The following KALRN variants were observed in gnomAD, a reference collection of about 807,000 sequenced individuals.
KALRN encodes the protein kalirin RhoGEF kinase.
In KALRN, 70 loss-of-function variants were observed where a neutral mutation model predicts 353.7. The observed-to-expected ratio is 0.20, with a 90% CI of 0.16 to 0.24. The LOEUF (loss-of-function observed/expected upper bound fraction) is 0.24, where lower values mean the gene tolerates loss of function less well. KALRN is among the 10% of genes least tolerant of loss of function. The probability of loss-of-function intolerance (pLI) is 1.00; values close to 1 mark genes in which losing one functional copy is unlikely to be tolerated. For missense variants in KALRN, 2,791 were observed against 3,756.7 expected (o/e 0.74, Z 6.72); for synonymous variants, 1,391 against 1,434.8 (o/e 0.97, Z 0.69).
intron 3 of KALRN, among the ~76,000 whole-genome samples, chr3:124,257,007 T>G (rs2072104263): frequency 6.6e-6 from 1 of 152,170 alleles, no homozygotes; most frequent in African/African-American, 2.4e-5. Context: ...AGACATTTAC[T>G]CCAATGGCAG....
intron 1 of KALRN, among the ~76,000 whole-genome samples, chr3:124,058,745 CT>C (rs1335635618): frequency 6.6e-6 from 1 of 152,190 alleles, no homozygotes; most frequent in Non-Finnish European, 1.5e-5. Context: ...TCTTTTCACC[CT>C]TCACTCATAG....
intron 5 of KALRN, among the ~76,000 whole-genome samples, chr3:124,293,026 A>G (rs1274991466): frequency 6.6e-6 from 1 of 152,206 alleles, no homozygotes; most frequent in African/African-American, 2.4e-5. Context: ...TCTAACACTC[A>G]TACAATTTTA....
chr3:124,367,488 G>C (rs796374152), intron 10 of KALRN, among the ~76,000 whole-genome samples: 15,678 of 67,680 alleles, frequency 0.23, 3,674 homozygotes, highest in Non-Finnish European at 0.32. Flanking sequence ...CCTCCCGGAC[G>C]GGGCAGCTGG....
chr3:124,492,596 T>A, intron 31 of KALRN, 144 bp from the exon 32 acceptor site: 1 of 805,452 alleles, frequency 1.2e-6, no homozygotes, highest in South Asian at 2.0e-5. Context: ...TATTGAAGAG[T>A]CATAAGTATG....
At chr3:124,192,528 T>G (rs1396175250) in intron 1 of KALRN, among the ~76,000 whole-genome samples, 1 of 152,112 alleles carries the variant, frequency 6.6e-6, no homozygotes, top group Non-Finnish European at 1.5e-5. Flanking sequence ...AGAATATAAT[T>G]GAATTATTTG....
intron 6 of KALRN, among the ~76,000 whole-genome samples, chr3:124,311,909 C>G (rs1276366509): frequency 1.3e-5 from 2 of 152,186 alleles, no homozygotes; most frequent in Non-Finnish European, 2.9e-5. Context: ...CCAAATACCA[C>G]TTATTATTTG....
intron 1 of KALRN, among the ~76,000 whole-genome samples, chr3:124,149,290 T>C (rs1174085803): frequency 6.6e-6 from 1 of 152,204 alleles, no homozygotes; most frequent in Admixed American, 6.5e-5. Flanking sequence ...GAGTCTACCA[T>C]TGCTGATGAC....
intron 33 of KALRN, among the ~76,000 whole-genome samples, chr3:124,512,475 C>A (rs964813924): frequency 6.6e-6 from 1 of 152,040 alleles, no homozygotes; most frequent in African/African-American, 2.4e-5. Flanking sequence ...CGTGGTGAAA[C>A]CCTGCCACTA....
In KALRN at chr3:124,644,364, A is replaced by T. The variant is rs559286910; in HGVS notation, c.5665-6444A>T. On this transcript the variant is annotated intron_variant, in intron 37 of 59. Coordinates refer to ENST00000682506, the MANE Select transcript of KALRN (RefSeq NM_001388419.1). ...TTTTATACTTTAAGTTCCAGGATAC[A>T]TGTGCAGAGCGTGCAGGTTTATTAC... 6.6e-5 allele frequency among the ~76,000 whole-genome samples: 10 copies of T among 152,196 alleles called. No individual in the cohort carries two copies. In the East Asian group the frequency reaches 1.9e-3, roughly 29 times the overall value.
intron 9 of KALRN, among the ~76,000 whole-genome samples, chr3:124,336,536 C>A (rs2081153943): frequency 6.6e-6 from 1 of 152,054 alleles, no homozygotes; most frequent in Admixed American, 6.5e-5. Flanking sequence ...TCCTGGAGAG[C>A]TGCAGAGGGG....
chr3:124,042,667 T>C (rs1231886074), intron 1 of KALRN, among the ~76,000 whole-genome samples: 1 of 151,952 alleles, frequency 6.6e-6, no homozygotes, highest in East Asian at 1.9e-4. Context: ...ATACCCTTAA[T>C]GAAAGTCAGG....
chr3:124,146,507 T>C (rs1473795424), intron 1 of KALRN, among the ~76,000 whole-genome samples: 3 of 151,834 alleles, frequency 2.0e-5, no homozygotes, highest in African/African-American at 7.3e-5. Flanking sequence ...AGCACTGGAC[T>C]GGAAATTTGA....
chr3:124,329,881 C>G lies in KALRN; in HGVS notation c.1305C>G (p.Ala435=). ...TCCAGTTCCTGTCGGGAGTGGATGC[C>G]TGGTGCAAGATGTGCAGTGAAGGTG... ...KAEQFLSGVD[A]WCKMCSEGGL... The change falls in exon 8 of 60, where the codon GCC becomes GCG. Residue 435 remains alanine, a synonymous_variant. Coordinates refer to ENST00000682506, the MANE Select transcript of KALRN (RefSeq NM_001388419.1). The G allele has an allele frequency of 6.2e-7, 1 of 1,613,736 alleles. No individual in the cohort carries two copies. The highest frequency in any genetic ancestry group is 8.5e-7 in the Non-Finnish European group (1 of 1,179,818).
Position 124,094,789 on chromosome 3 carries a change from A to C in KALRN, c.73+60976A>C, listed in dbSNP as rs747533423. On this transcript the variant is annotated intron_variant, in intron 1 of 59. Coordinates refer to ENST00000682506, the MANE Select transcript of KALRN (RefSeq NM_001388419.1). ...GCCTCCTCGAGTCAGCGGTGGTGGG[A>C]TGAGGCTCTGCCGAGGGGACTGGCT... is the stretch of plus-strand genomic sequence containing the variant. The C allele has an allele frequency of 3.3e-6, 5 of 1,530,376 alleles. No individual in the cohort carries two copies. The Admixed American group carries it at 8.4e-5, about 26-fold the overall frequency. The allele number at this position is 1,530,376 out of a possible 1,614,324, so 94.8% of individuals were successfully genotyped here. A position where few individuals can be genotyped will look rare whatever the true frequency, so the allele number is the denominator to read the frequency against.
intron 10 of KALRN, among the ~76,000 whole-genome samples, chr3:124,364,987 C>G (rs539742157): frequency 6.6e-6 from 1 of 152,338 alleles, no homozygotes; most frequent in South Asian, 2.1e-4. Flanking sequence ...AAAGTCACTT[C>G]CTGAAAATTT....
chr3:124,704,774 T>C (rs945320628), intron 57 of KALRN, among the ~76,000 whole-genome samples: 2 of 152,172 alleles, frequency 1.3e-5, no homozygotes, highest in Non-Finnish European at 2.9e-5. Flanking sequence ...AATCTCAAAC[T>C]CCTGAGCTCA....
chr3:124,686,685 G>A (rs368255735), intron 51 of KALRN, among the ~76,000 whole-genome samples: 8 of 152,136 alleles, frequency 5.3e-5, no homozygotes, highest in Admixed American at 2.6e-4. Context: ...GACCTGCTAG[G>A]AAGCCAGGAC....
chr3:124,650,997 C>T, intron 38 of KALRN, 59 bp downstream of exon 38: 2 of 1,595,660 alleles, frequency 1.3e-6, no homozygotes, highest in Non-Finnish European at 1.7e-6. Context: ...GGACAATGGA[C>T]AAAGGTTGGG....
intron 15 of KALRN, among the ~76,000 whole-genome samples, chr3:124,429,182 A>G (rs970182017): frequency 9.9e-5 from 15 of 152,230 alleles, no homozygotes; most frequent in African/African-American, 3.6e-4. Flanking sequence ...TGCTTTACAG[A>G]TTGGCATCTC....
Sources: gnomAD v4.1 joint callset for allele counts (sites outside exome capture counted in the v4.1 genomes callset) on GRCh38, gnomAD v4.1.1 for gene constraint, MANE v1.5 for transcripts, NCBI Gene and HGNC (gene_info 2026-07-23, HGNC 2026-07-21) for gene names.